ABLIM2: variants seen among roughly 807,000 people sequenced by gnomAD.
The protein encoded by ABLIM2 is actin-binding LIM protein 2.
In ABLIM2, 53 loss-of-function variants were observed where a neutral mutation model predicts 97.7. The ratio of observed to expected loss-of-function variants is 0.54; its 90% CI spans 0.44 to 0.68. The LOEUF is 0.68. Among genes scored for constraint, ABLIM2 ranks in the 30% least tolerant of loss-of-function variants. The pLI, the probability that ABLIM2 is intolerant of heterozygous loss-of-function variation, is 0.00. For synonymous variants in ABLIM2, 361 were observed against 345.8 expected (o/e 1.04, Z -0.49); for missense variants, 835 against 867.2 (o/e 0.96, Z 0.47).
At chr4:7,975,801 G>C (rs534711410) in intron 20 of ABLIM2, among the ~76,000 whole-genome samples, 20 of 152,146 alleles carry the variant, frequency 1.3e-4, no homozygotes, top group Non-Finnish European at 2.5e-4. Flanking sequence ...TTGTGTTTTG[G>C]GAACTTAGAG....
chr4:7,975,112 G>A (rs1204232936), intron 20 of ABLIM2, among the ~76,000 whole-genome samples: 3 of 152,210 alleles, frequency 2.0e-5, no homozygotes, highest in Non-Finnish European at 4.4e-5. Flanking sequence ...CAGCTACTCA[G>A]GAGGCTGAGG....
chr4:8,026,540 G>A (rs555365275), intron 12 of ABLIM2, among the ~76,000 whole-genome samples: 3 of 152,264 alleles, frequency 2.0e-5, no homozygotes, highest in Admixed American at 1.3e-4. Context: ...GCTGCCTGCG[G>A]CCTGGGAGGC....
At chr4:8,099,027 C>G (rs1025623499) in intron 2 of ABLIM2, among the ~76,000 whole-genome samples, 7 of 152,230 alleles carry the variant, frequency 4.6e-5, no homozygotes, top group Non-Finnish European at 8.8e-5. Flanking sequence ...TTATGAGAAA[C>G]AGCCAAGGAC....
intron 3 of ABLIM2, among the ~76,000 whole-genome samples, chr4:8,091,689 A>G (rs1828544013): frequency 1.3e-5 from 1 of 76,286 alleles, no homozygotes; most frequent in East Asian, 4.1e-4. Flanking sequence ...ATATAATTAT[A>G]TATTATATAA....
In ABLIM2 at chr4:8,082,863, G is replaced by C. The variant is rs1332273429; in HGVS notation, c.455-2061C>G. ...TCCTTCCTGTGTCTCTGCAGAGTCA[G>C]ACGACGCACAGCCCTGACTTAGCCT... On this transcript the variant is annotated intron_variant, in intron 4 of 20. Transcript: ENST00000447017. The surrounding 1 kb of genome is among the most constrained non-coding windows in gnomAD (Gnocchi z 5.6). Among the ~76,000 whole-genome samples the C allele has an allele frequency of 6.6e-6, 1 of 152,228 alleles. No homozygotes were observed. Among genetic ancestry groups the C allele is most frequent in the Non-Finnish European group, 1.5e-5 (1 of 68,042 alleles).
chr4:8,074,049 T>C (rs1036047842), intron 6 of ABLIM2, among the ~76,000 whole-genome samples: 9 of 125,802 alleles, frequency 7.2e-5, no homozygotes, highest in Non-Finnish European at 4.7e-5. Flanking sequence ...ATTGCGCCAC[T>C]GCACTCTAGC....
chr4:8,044,338 G>A lies in ABLIM2; in HGVS notation c.900+826C>T, dbSNP rs919393364. ...TCCCGGGTGACCCCTGGCCACCACC[G>A]CATAAGCCATCCCTCACCTGGCGCC... is the stretch of plus-strand genomic sequence containing the variant. On this transcript the variant is annotated intron_variant, in intron 9 of 20. Transcript: ENST00000447017. The surrounding 1 kb of genome is among the most constrained non-coding windows in gnomAD (Gnocchi z 4.4). Among the ~76,000 whole-genome samples the A allele has an allele frequency of 2.6e-5, 4 of 151,780 alleles. No homozygotes were observed. Among genetic ancestry groups the A allele is most frequent in the African/African-American group, 9.7e-5 (4 of 41,386 alleles).
At chr4:8,139,150 T>C (rs1365449691) in intron 1 of ABLIM2, among the ~76,000 whole-genome samples, 2 of 150,752 alleles carry the variant, frequency 1.3e-5, no homozygotes, top group African/African-American at 2.5e-5. Context: ...GGAGCCGAGA[T>C]TGCACCATTA....
intron 1 of ABLIM2, among the ~76,000 whole-genome samples, chr4:8,153,886 T>C (rs1714042013): frequency 6.6e-6 from 1 of 152,136 alleles, no homozygotes; most frequent in Non-Finnish European, 1.5e-5. Context: ...ATTGCCTCCC[T>C]CACTGTTTCT....
chr4:8,140,839 G>C lies in ABLIM2; in HGVS notation c.10+17841C>G, dbSNP rs892252737. ...TCAGGGTGGGGTTCAGGGCAGGGAG[G>C]TGGCTGCCAAGAAGAGCTATGAAGA... On this transcript the variant is annotated intron_variant, in intron 1 of 20. Coordinates refer to ENST00000447017, the MANE Select transcript of ABLIM2 (RefSeq NM_001130083.2). This position sits in a 1 kb window ranked among gnomAD's most constrained non-coding sequence, Gnocchi z 5.9. Among the ~76,000 whole-genome samples, 1 of 152,172 alleles carries C rather than the reference G, an allele frequency of 6.6e-6. No homozygotes were observed. Among genetic ancestry groups the C allele is most frequent in the Non-Finnish European group, 1.5e-5 (1 of 68,030 alleles).
chr4:8,031,887 G>C (rs1436435781), intron 10 of ABLIM2, among the ~76,000 whole-genome samples: 1 of 151,960 alleles, frequency 6.6e-6, no homozygotes, highest in Non-Finnish European at 1.5e-5. Flanking sequence ...CCCATGCCTG[G>C]GTAATTTTTG....
At position 8,066,137 on chromosome 4, in the gene ABLIM2, TA is replaced by T. The variant is rs933793109; in HGVS notation, c.676-5084del. Among the ~76,000 whole-genome samples the T allele has an allele frequency of 4.1e-5, 6 of 146,754 alleles. No individual in the cohort carries two copies. In the East Asian group the frequency reaches 1.2e-3, roughly 30 times the overall value. On this transcript the variant is annotated intron_variant, in intron 6 of 20. Coordinates refer to ENST00000447017, the MANE Select transcript of ABLIM2 (RefSeq NM_001130083.2). ...TAACACGGTGAAACCCTGTCTCTAC[TA>T]AAAAAAAATTACAAAAAATTAGCTG...
chr4:8,101,321 A>G (rs1196905580), intron 2 of ABLIM2, among the ~76,000 whole-genome samples: 1 of 152,210 alleles, frequency 6.6e-6, no homozygotes, highest in Non-Finnish European at 1.5e-5. Flanking sequence ...CAACTCTGCC[A>G]TGTGATCTTG....
rs375647172 is a variant in ABLIM2 at position 8,043,774 on chromosome 4, C to T, written c.900+1390G>A. On this transcript the variant is annotated intron_variant, in intron 9 of 20. Coordinates refer to ENST00000447017, the MANE Select transcript of ABLIM2 (RefSeq NM_001130083.2). The surrounding 1 kb of genome is among the most constrained non-coding windows in gnomAD (Gnocchi z 4.8). The stretch of plus-strand genomic sequence containing the variant: ...TGATGGTAACAGTAACGGCAGCAAG[C>T]GTTTCCCACAGCCTTCTTCTGGGCA... Among the ~76,000 whole-genome samples, 111 of 152,330 alleles carry T rather than the reference C, an allele frequency of 7.3e-4. No homozygotes were observed. Among genetic ancestry groups the T allele is most frequent in the African/African-American group, 2.4e-3 (100 of 41,572 alleles).
chr4:8,032,515 G>C lies in ABLIM2; in HGVS notation c.1048-2739C>G, dbSNP rs1053373412. ...GCCAGGAGGGTGCCCCATGTCACAAGGGCCGTGGCCCCGGGCCCCATGGTG... is the reference window on the plus strand; with the variant it reads ...GCCAGGAGGGTGCCCCATGTCACAACGGCCGTGGCCCCGGGCCCCATGGTG... On this transcript the variant is annotated intron_variant, in intron 10 of 20. Coordinates refer to ENST00000447017, the MANE Select transcript of ABLIM2 (RefSeq NM_001130083.2). The surrounding 1 kb of genome is among the most constrained non-coding windows in gnomAD (Gnocchi z 4.3). 3.6e-6 allele frequency: 4 copies of C among 1,113,688 alleles called. No individual in the cohort carries two copies. The highest frequency in any genetic ancestry group is 5.6e-4 in the Middle Eastern group (2 of 3,548). 69.0% of individuals were successfully genotyped at this position (1,113,688 alleles called of 1,614,324 possible). A position where few individuals can be genotyped will look rare whatever the true frequency, so the allele number is the denominator to read the frequency against.
rs1228215168 is a variant in ABLIM2 at position 8,086,349 on chromosome 4, CTT to C, written c.454+1818_454+1819del. 7.2e-3 allele frequency among the ~76,000 whole-genome samples: 884 copies of C among 122,948 alleles called. 1 individual carries two copies. Among genetic ancestry groups the C allele is most frequent in the African/African-American group, 9.9e-3 (346 of 34,778 alleles). The allele number at this position is 122,948 out of a possible 152,430, so 80.7% of individuals were successfully genotyped here. A position where few individuals can be genotyped will look rare whatever the true frequency, so the allele number is the denominator to read the frequency against. On this transcript the variant is annotated intron_variant, in intron 4 of 20. Coordinates refer to ENST00000447017, the MANE Select transcript of ABLIM2 (RefSeq NM_001130083.2). Reference sequence around the variant, plus strand: ...TTGGTCATATTTCCATCCCCTCCCACTTTTTTTTTTTTTTTTTTTTGACATTC... The same window carrying C: ...TTGGTCATATTTCCATCCCCTCCCACTTTTTTTTTTTTTTTTTTGACATTC...
At position 8,071,463 on chromosome 4, in the gene ABLIM2, T is replaced by C. The variant is rs1811983714; in HGVS notation, c.675+6165A>G. Among the ~76,000 whole-genome samples, 1 of 152,106 alleles carries C rather than the reference T, an allele frequency of 6.6e-6. No individual in the cohort carries two copies. Among genetic ancestry groups the C allele is most frequent in the Admixed American group, 6.5e-5 (1 of 15,282 alleles). Reference sequence around the variant, plus strand: ...CCCCACTGTCACCACCAAATGCACATTTCGCGGGCAGGCGGGCACTGCGGG... The same window carrying C: ...CCCCACTGTCACCACCAAATGCACACTTCGCGGGCAGGCGGGCACTGCGGG... On this transcript the variant is annotated intron_variant, in intron 6 of 20. Coordinates refer to ENST00000447017, the MANE Select transcript of ABLIM2 (RefSeq NM_001130083.2). The surrounding 1 kb of genome is among the most constrained non-coding windows in gnomAD (Gnocchi z 6.2).
chr4:8,061,106 C>T lies in ABLIM2; in HGVS notation c.676-52G>A. Reference sequence around the variant, plus strand: ...TTTCTACTAAAGCCAGAAAGGTCGGCTGGGTCCCAGCGCCCGGCATGGATA... The same window carrying T: ...TTTCTACTAAAGCCAGAAAGGTCGGTTGGGTCCCAGCGCCCGGCATGGATA... On this transcript the variant is annotated intron_variant, in intron 6 of 20. Transcript: ENST00000447017. This position sits in a 1 kb window ranked among gnomAD's most constrained non-coding sequence, Gnocchi z 4.5. 1 of 1,514,634 alleles carries T rather than the reference C, an allele frequency of 6.6e-7. No homozygotes were observed. The highest frequency in any genetic ancestry group is 9.0e-7 in the Non-Finnish European group (1 of 1,114,986). The allele number at this position is 1,514,634 out of a possible 1,614,324, so 93.8% of individuals were successfully genotyped here.
In ABLIM2 at chr4:8,097,243, C is replaced by A; in HGVS notation, c.194G>T (p.Arg65Leu). Residue 65 changes from arginine (R) to leucine (L), a missense_variant, in exon 3 of 21, where the codon CGG becomes CTG. Coordinates refer to ENST00000447017, the MANE Select transcript of ABLIM2 (RefSeq NM_001130083.2). ...CAGCGTGCAGATGTACTCGCCCTGC[C>A]GCACGAAGAAGCCGCCCTCGGCCAG... ...CDLAEGGFFV[R>L]QGEYICTLDY... is the part of the protein sequence containing the mutation. 3 of 1,574,488 alleles carry A rather than the reference C, an allele frequency of 1.9e-6. No individual in the cohort carries two copies. Among genetic ancestry groups the A allele is most frequent in the South Asian group, 1.2e-5 (1 of 85,698 alleles).
Sources: gnomAD v4.1 joint callset for allele counts (sites outside exome capture counted in the v4.1 genomes callset) on GRCh38, gnomAD v4.1.1 for gene constraint, Gnocchi (gnomAD v3.1) non-coding constraint, MANE v1.5 for transcripts, NCBI Gene and HGNC (gene_info 2026-07-23, HGNC 2026-07-21) for gene names.